HPSE2: variants seen among roughly 807,000 people sequenced by gnomAD.
HPSE2 encodes the protein heparanase 2 (inactive), also known as inactive heparanase-2.
In HPSE2, 38 loss-of-function variants were observed where a neutral mutation model predicts 60.5. The ratio of observed to expected loss-of-function variants is 0.63; its 90% confidence interval spans 0.48 to 0.82. HPSE2 has a LOEUF of 0.82. Among genes scored for constraint, HPSE2 ranks in the 40% least tolerant of loss-of-function variants. The probability of loss-of-function intolerance (pLI) is 0.00; values close to 1 mark genes in which losing one functional copy is unlikely to be tolerated. For missense variants in HPSE2, 713 were observed against 740.4 expected (o/e 0.96, Z 0.43); for synonymous variants, 295 against 293.2 (o/e 1.01, Z -0.06).
intron 3 of HPSE2, among the ~76,000 whole-genome samples, chr10:98,991,751 C>T (rs917952378): frequency 1.3e-5 from 2 of 151,818 alleles, no homozygotes; most frequent in East Asian, 1.9e-4. Context: ...TAGGAGAATG[C>T]GTGGTGGACA....
chr10:98,842,837 C>T (rs145492431), intron 3 of HPSE2, among the ~76,000 whole-genome samples: 3 of 152,252 alleles, frequency 2.0e-5, no homozygotes, highest in South Asian at 2.1e-4. Flanking sequence ...CCTAAAAGTC[C>T]TCTGTTCACC....
At chr10:98,771,372 G>A (rs1391538813) in intron 3 of HPSE2, among the ~76,000 whole-genome samples, 1 of 152,126 alleles carries the variant, frequency 6.6e-6, no homozygotes, top group East Asian at 1.9e-4. Context: ...TGGAGCTGAA[G>A]ACCTCCCTGA....
chr10:98,953,431 C>G (rs549464629), intron 3 of HPSE2, among the ~76,000 whole-genome samples: 24 of 152,240 alleles, frequency 1.6e-4, no homozygotes, highest in Middle Eastern at 3.4e-3. Flanking sequence ...ACAGCAAGGA[C>G]CTGGGCAGAC....
intron 11 of HPSE2, among the ~76,000 whole-genome samples, chr10:98,479,491 C>T (rs187536846): frequency 6.6e-6 from 1 of 152,236 alleles, no homozygotes; most frequent in Non-Finnish European, 1.5e-5. Context: ...TCCTGTGAGA[C>T]CCCCATCGCA....
chr10:98,957,070 T>C (rs1955528206), intron 3 of HPSE2, among the ~76,000 whole-genome samples: 1 of 152,170 alleles, frequency 6.6e-6, no homozygotes, highest in Non-Finnish European at 1.5e-5. Context: ...TAATGTTGCA[T>C]ACCAACATGT....
chr10:99,205,098 G>T, intron 2 of HPSE2, among the ~76,000 whole-genome samples: 1 of 152,276 alleles, frequency 6.6e-6, no homozygotes, highest in African/African-American at 2.4e-5. Flanking sequence ...AAGCAGGGAA[G>T]GTAGGAGGGA....
At chr10:98,585,951 CAAAA>C (rs35839169) in intron 9 of HPSE2, among the ~76,000 whole-genome samples, 51,469 of 116,882 alleles carry the variant, frequency 0.44, 11,306 homozygotes, top group Admixed American at 0.56. Context: ...GACTGTGTCT[CAAAA>C]AAAAAAAAAA....
chr10:98,600,901 A>ATGTGTGTGTGTATATATG lies in HPSE2; in HGVS notation c.1320+14002_1320+14003insCATATATACACACACACA, dbSNP rs1554950522. Reference sequence around the variant, plus strand: ...TATATATACATATATACGTATATATATGTGTGTGTGTATATATATATATAT... The same window carrying ATGTGTGTGTGTATATATG: ...TATATATACATATATACGTATATATATGTGTGTGTGTATATATGTGTGTGTGTGTATATATATATATAT... On this transcript the variant is annotated intron_variant, in intron 9 of 11. Coordinates refer to ENST00000370552, the MANE Select transcript of HPSE2 (RefSeq NM_021828.5). Among the ~76,000 whole-genome samples the ATGTGTGTGTGTATATATG allele has an allele frequency of 5.2e-3, 494 of 95,816 alleles. 16 individuals carry two copies. The highest frequency in any genetic ancestry group is 0.027 in the South Asian group (84 of 3,138). 62.9% of individuals were successfully genotyped at this position (95,816 alleles called of 152,430 possible).
chr10:98,711,159 T>TAC (rs1948668104), intron 5 of HPSE2, among the ~76,000 whole-genome samples: 1 of 152,056 alleles, frequency 6.6e-6, no homozygotes, highest in Non-Finnish European at 1.5e-5. Flanking sequence ...AAGATCATGA[T>TAC]ACACACCCCT....
intron 3 of HPSE2, among the ~76,000 whole-genome samples, chr10:99,046,233 T>C (rs1181015353): frequency 7.9e-5 from 12 of 152,076 alleles, no homozygotes; most frequent in African/African-American, 2.7e-4. Flanking sequence ...GCAAAAACCA[T>C]ATGATTACTT....
the HPSE2 span, among the ~76,000 whole-genome samples, chr10:99,296,361 C>A: frequency 0.027 from 4,152 of 152,260 alleles, 189 homozygotes; most frequent in African/African-American, 0.095. Context: ...AGATGCCCCC[C>A]CAACATGCCG....
chr10:99,047,845 TTGAA>T (rs767687509), intron 3 of HPSE2: 21 of 786,410 alleles, frequency 2.7e-5, no homozygotes, highest in Non-Finnish European at 4.1e-5. Context: ...GAACTGAAAT[TTGAA>T]TGGCGAGGAT....
Position 98,742,953 on chromosome 10 carries a change from TC to T in HPSE2, c.784+929del, listed in dbSNP as rs1589748191. On this transcript the variant is annotated intron_variant, in intron 4 of 11. Coordinates refer to ENST00000370552, the MANE Select transcript of HPSE2 (RefSeq NM_021828.5). Reference sequence around the variant, plus strand: ...AGAATGAAACCAAGAATGGGTCTCTTCTTTTTTTTCCTTTTCTTTTCTTTTT... The same window carrying T: ...AGAATGAAACCAAGAATGGGTCTCTTTTTTTTTTCCTTTTCTTTTCTTTTT... Among the ~76,000 whole-genome samples the T allele has an allele frequency of 2.7e-5, 4 of 145,726 alleles. No homozygotes were observed. The East Asian group carries it at 8.1e-4, about 30-fold the overall frequency.
At chr10:98,614,586 C>T (rs1286132859) in intron 9 of HPSE2, among the ~76,000 whole-genome samples, 1 of 151,966 alleles carries the variant, frequency 6.6e-6, no homozygotes, top group African/African-American at 2.4e-5. Flanking sequence ...GCCACCGTGC[C>T]CGGCCTGGAT....
At chr10:99,033,479 A>G (rs1452405793) in intron 3 of HPSE2, among the ~76,000 whole-genome samples, 1 of 152,102 alleles carries the variant, frequency 6.6e-6, no homozygotes, top group Non-Finnish European at 1.5e-5. Flanking sequence ...CCTATTAGAA[A>G]AGCATTAAAA....
intron 3 of HPSE2, among the ~76,000 whole-genome samples, chr10:99,025,718 A>C (rs1255099118): frequency 1.3e-5 from 2 of 152,122 alleles, no homozygotes; most frequent in African/African-American, 4.8e-5. Flanking sequence ...GGGTAGGAAG[A>C]GGGAGAGGAG....
At chr10:98,606,307 G>A (rs1440242102) in intron 9 of HPSE2, among the ~76,000 whole-genome samples, 1 of 152,236 alleles carries the variant, frequency 6.6e-6, no homozygotes, top group African/African-American at 2.4e-5. Context: ...TTAGGGCAAT[G>A]TAAACCTCTA....
chr10:98,923,991 G>C (rs770873151), intron 3 of HPSE2, among the ~76,000 whole-genome samples: 23 of 152,148 alleles, frequency 1.5e-4, no homozygotes, highest in Non-Finnish European at 3.1e-4. Flanking sequence ...GGGCATTAAA[G>C]AGTTATGTAT....
rs1940181887 is a variant in HPSE2, at chr10:98,459,504, G to A, written c.*70C>T. On this transcript the variant is annotated 3_prime_UTR_variant, in exon 12 of 12. Coordinates refer to ENST00000370552, the MANE Select transcript of HPSE2 (RefSeq NM_021828.5). ...GGTTGCTAGGATGTCTGAAAACAGA[G>A]GATACTACTGGAGTGGAGGAGTGGA... The A allele has an allele frequency of 1.8e-5, 27 of 1,511,594 alleles. No homozygotes were observed. The East Asian group carries it at 5.9e-4, about 33-fold the overall frequency. The allele number at this position is 1,511,594 out of a possible 1,614,324, so 93.6% of individuals were successfully genotyped here. A position where few individuals can be genotyped will look rare whatever the true frequency, so the allele number is the denominator to read the frequency against.
Sources: gnomAD v4.1 joint callset for allele counts (sites outside exome capture counted in the v4.1 genomes callset) on GRCh38, gnomAD v4.1.1 for gene constraint, MANE v1.5 for transcripts, NCBI Gene and HGNC (gene_info 2026-07-23, HGNC 2026-07-21) for gene names.